EFCAB8: variants seen among roughly 807,000 people sequenced by gnomAD.
EFCAB8 encodes the protein EF-hand calcium-binding domain-containing protein 8.
Under a neutral mutation model 116.3 loss-of-function variants are expected in EFCAB8, and 100 were observed. That is an observed-to-expected ratio of 0.86 (90% CI 0.73 to 1.02). EFCAB8 has a LOEUF of 1.02. Ranked by LOEUF, EFCAB8 falls within the 50% of genes least tolerant of loss-of-function variation. EFCAB8 has a pLI of 0.00. For synonymous variants in EFCAB8, 558 were observed against 567.9 expected (o/e 0.98, Z 0.25); for missense variants, 1,320 against 1,416.9 (o/e 0.93, Z 1.10).
chr20:32,939,221 T>G (rs1330197408), intron 22 of EFCAB8, among the ~76,000 whole-genome samples: 1 of 131,034 alleles, frequency 7.6e-6, no homozygotes, highest in Non-Finnish European at 1.6e-5. Context: ...TCTCTCTCTC[T>G]CTCTCTTTCC....
Position 32,948,566 on chromosome 20 carries a change from A to AAG in EFCAB8, c.2959+4764_2959+4765dup, listed in dbSNP as rs201116502. On this transcript the variant is annotated intron_variant, in intron 23 of 26. Transcript: ENST00000400522. ...AAAGAAAGAAAGAAAGAAAGAAAGA[A>AAG]AGAAAGAAAGAAAGAAAAGAAAGGA... Among the ~76,000 whole-genome samples the AAG allele has an allele frequency of 3.9e-3, 590 of 150,306 alleles. 1 individual carries two copies. The highest frequency in any genetic ancestry group is 0.014 in the African/African-American group (559 of 40,004).
At position 32,918,520 on chromosome 20, in the gene EFCAB8, C is replaced by T. The variant is rs527264803; in HGVS notation, c.2220C>T (p.Pro740=). The change falls in exon 19 of 27, where the codon CCC becomes CCT. Residue 740 remains proline, a synonymous_variant. Transcript: ENST00000400522. The part of the protein sequence containing the change: ...TNLRRSLVSA[P]PVMRCPRDKE... ...TGAGGCGGAGCCTGGTGTCGGCTCC[C>T]CCAGTGATGCGGTGCCCGAGAGACA... The T allele has an allele frequency of 1.3e-6, 2 of 1,551,576 alleles. No homozygotes were observed. The highest frequency in any genetic ancestry group is 2.0e-5 in the Admixed American group (1 of 50,980).
intron 2 of EFCAB8, among the ~76,000 whole-genome samples, chr20:32,865,015 T>C (rs367797748): frequency 6.6e-5 from 10 of 152,352 alleles, no homozygotes; most frequent in African/African-American, 2.2e-4. Context: ...TGATGTGATA[T>C]GCCTAAGTTA....
chr20:32,939,125 C>CTCGT (rs1988256446), intron 22 of EFCAB8, among the ~76,000 whole-genome samples: 1 of 56,524 alleles, frequency 1.8e-5, no homozygotes, highest in African/African-American at 6.7e-5. Flanking sequence ...CTCTTTCTTT[C>CTCGT]TCTTTCTTTC....
rs117211746 is a variant in EFCAB8, at chr20:32,926,045, C to T, written c.2413-4353C>T. Among the ~76,000 whole-genome samples, 25 of 152,340 alleles carry T rather than the reference C, an allele frequency of 1.6e-4. No individual in the cohort carries two copies. The East Asian group carries it at 3.3e-3, about 20-fold the overall frequency. ...CACTGTGAGCACCGGATGCTGGCTA[C>T]GCAGTTGACCCTGTGCTCTCAGCAG... On this transcript the variant is annotated intron_variant, in intron 20 of 26. Transcript: ENST00000400522.
At chr20:32,929,573 C>T (rs1205565584) in intron 20 of EFCAB8, among the ~76,000 whole-genome samples, 1 of 143,820 alleles carries the variant, frequency 7.0e-6, no homozygotes, top group Non-Finnish European at 1.5e-5. Context: ...ATCTCCTGGG[C>T]TCAAGTGATT....
intron 20 of EFCAB8, among the ~76,000 whole-genome samples, chr20:32,927,688 G>A (rs1898566917): frequency 2.0e-5 from 3 of 152,158 alleles, no homozygotes; most frequent in African/African-American, 4.8e-5. Context: ...TGGGTACTGG[G>A]ATTTTGTAGG....
intron 3 of EFCAB8, among the ~76,000 whole-genome samples, chr20:32,872,457 T>C (rs1984728683): frequency 6.6e-6 from 1 of 152,038 alleles, no homozygotes; most frequent in Admixed American, 6.5e-5. Flanking sequence ...ATCCCAGAGC[T>C]CTCAGGCTGG....
At chr20:32,950,856 G>A (rs1304293409) in intron 23 of EFCAB8, among the ~76,000 whole-genome samples, 2 of 152,152 alleles carry the variant, frequency 1.3e-5, no homozygotes, top group Non-Finnish European at 1.5e-5. Flanking sequence ...CTTGTAGTTA[G>A]AAGAGACGTG....
chr20:32,860,272 C>T (rs530068738), intron 1 of EFCAB8, among the ~76,000 whole-genome samples: 8 of 151,964 alleles, frequency 5.3e-5, no homozygotes, highest in African/African-American at 1.7e-4. Context: ...TGAGCCACTG[C>T]ATTCCAGCCT....
At chr20:32,919,937 G>C in intron 19 of EFCAB8, 141 bp from the exon 20 acceptor site, 1 of 1,100,928 alleles carries the variant, frequency 9.1e-7, no homozygotes, top group African/African-American at 1.6e-5. Flanking sequence ...GGGATCCACT[G>C]AGCGCTGCTT....
At chr20:32,886,970 G>A (rs1985663423) in intron 6 of EFCAB8, among the ~76,000 whole-genome samples, 1 of 152,130 alleles carries the variant, frequency 6.6e-6, no homozygotes, top group Admixed American at 6.5e-5. Context: ...TGCAAGGGTT[G>A]GGAGTTACCA....
At chr20:32,875,501 G>GTTTTTTTTTTTTTTTTTTT (rs1468256873) in intron 3 of EFCAB8, among the ~76,000 whole-genome samples, 9 of 78,068 alleles carry the variant, frequency 1.2e-4, no homozygotes, top group Non-Finnish European at 1.1e-4. Context: ...TAAACATGGT[G>GTTTTTTTTTTTTTTTTTTT]GTTTTTTTTT....
Position 32,961,611 on chromosome 20 carries a change from G to T in EFCAB8, c.*2G>T. On this transcript the variant is annotated 3_prime_UTR_variant, in exon 27 of 27. Coordinates refer to ENST00000400522, the MANE Select transcript of EFCAB8 (RefSeq NM_001143967.2). ...GGGAGCTCCCATGTCAGGTTCTGAG[G>T]TGCTCCGCTGTCTTCTCTAGTCCTC... The T allele has an allele frequency of 1.5e-6, 2 of 1,318,042 alleles. No homozygotes were observed. Among genetic ancestry groups the T allele is most frequent in the East Asian group, 2.8e-5 (1 of 35,490 alleles). The allele number at this position is 1,318,042 out of a possible 1,614,324, so 81.6% of individuals were successfully genotyped here.
At position 32,899,107 on chromosome 20, in the gene EFCAB8, C is replaced by G. The variant is rs150697115; in HGVS notation, c.1088+484C>G. Among the ~76,000 whole-genome samples, 164 of 152,174 alleles carry G rather than the reference C, an allele frequency of 1.1e-3. 1 individual carries two copies. In the East Asian group the frequency reaches 0.029, roughly 27 times the overall value. On this transcript the variant is annotated intron_variant, in intron 11 of 26. Coordinates refer to ENST00000400522, the MANE Select transcript of EFCAB8 (RefSeq NM_001143967.2). ...TTCTTTTGAAAAACTAGTTAGTCAC[C>G]GGGCGCGGTGGCTCACGCCAGTAAT...
At chr20:32,875,419 C>A (rs1791126556) in intron 3 of EFCAB8, among the ~76,000 whole-genome samples, 1 of 151,394 alleles carries the variant, frequency 6.6e-6, no homozygotes, top group South Asian at 2.1e-4. Flanking sequence ...CCCTTCTGTG[C>A]CCCCTGCAGT....
intron 3 of EFCAB8, 95 bp downstream of exon 3, chr20:32,867,842 A>ATT: frequency 6.6e-6 from 8 of 1,220,576 alleles, no homozygotes; most frequent in African/African-American, 3.1e-5. Flanking sequence ...CATAATAAGC[A>ATT]TTTTTTTTTT....
intron 14 of EFCAB8, among the ~76,000 whole-genome samples, 190 bp downstream of exon 14, chr20:32,908,602 G>A (rs560119918): frequency 6.6e-6 from 1 of 152,158 alleles, no homozygotes; most frequent in Non-Finnish European, 1.5e-5. Flanking sequence ...TAGGCCCCCA[G>A]CCTGTCACCC....
intron 20 of EFCAB8, among the ~76,000 whole-genome samples, chr20:32,923,302 A>G (rs1987537510): frequency 1.3e-5 from 2 of 152,172 alleles, no homozygotes; most frequent in African/African-American, 4.8e-5. Flanking sequence ...CCTGGGCAAC[A>G]CGGTGAAACC....
Sources: allele counts gnomAD v4.1 joint callset (sites outside exome capture counted in the v4.1 genomes callset), GRCh38; gene constraint gnomAD v4.1.1; transcripts MANE v1.5; gene names NCBI Gene and HGNC (gene_info 2026-07-23, HGNC 2026-07-21).